Variants in UGT2A2 observed in about 807,000 individuals in gnomAD.
The protein encoded by UGT2A2 is UDP glucuronosyltransferase family 2 member A2.
Under a neutral mutation model 50.7 loss-of-function variants are expected in UGT2A2, and 60 were observed. The observed-to-expected ratio is 1.18, with a 90% CI of 0.96 to 1.47. UGT2A2 has a LOEUF of 1.47. Among genes scored for constraint, UGT2A2 ranks in the 40% most tolerant of loss-of-function variants. UGT2A2 has a pLI of 0.00. For missense variants in UGT2A2, 762 were observed against 634.0 expected (o/e 1.20, Z -2.17); for synonymous variants, 242 against 214.6 (o/e 1.13, Z -1.11).
At chr4:69,627,572 A>G (rs573796598) in intron 1 of UGT2A2, among the ~76,000 whole-genome samples, 234 of 149,262 alleles carry the variant, frequency 1.6e-3, no homozygotes, top group African/African-American at 5.6e-3. Context: ...GAGAGAAAGA[A>G]AGAGAGAAAG....
intron 1 of UGT2A2, among the ~76,000 whole-genome samples, chr4:69,602,929 G>T (rs1003503735): frequency 7.4e-6 from 1 of 135,032 alleles, no homozygotes; most frequent in African/African-American, 3.0e-5. Context: ...TTAGCCGGGC[G>T]TGGTGGCAGG....
At position 69,588,925 on chromosome 4, in the gene UGT2A2, C is replaced by A. The variant is rs556581310; in HGVS notation, c.*447G>T. ...TTTCTCATAACACACTACTCTCCTA[C>A]GGTGGCTCCCTGATTTGTTTGGTAT... On this transcript the variant is annotated 3_prime_UTR_variant, in exon 6 of 6. Coordinates refer to ENST00000604629, the MANE Select transcript of UGT2A2 (RefSeq NM_001105677.2). The A allele has an allele frequency of 6.5e-6, 1 of 153,766 alleles. No homozygotes were observed. The highest frequency in any genetic ancestry group is 1.9e-4 in the East Asian group (1 of 5,188). The allele number at this position is 153,766 out of a possible 1,614,324, so 9.5% of individuals were successfully genotyped here.
Position 69,606,759 on chromosome 4 carries a change from G to A in UGT2A2, c.743-7365C>T, listed in dbSNP as rs2109906673. On this transcript the variant is annotated intron_variant, in intron 1 of 5. Coordinates refer to ENST00000604629, the MANE Select transcript of UGT2A2 (RefSeq NM_001105677.2). ...CAAAATCAATGTGCAAAAATCACAA[G>A]CATTCTTATACACCAATAACAGACA... Among the ~76,000 whole-genome samples, 2 of 136,660 alleles carry A rather than the reference G, an allele frequency of 1.5e-5. 1 individual carries two copies. The highest frequency in any genetic ancestry group is 4.8e-4 in the South Asian group (2 of 4,132). 89.7% of individuals were successfully genotyped at this position (136,660 alleles called of 152,430 possible). A position where few individuals can be genotyped will look rare whatever the true frequency, so the allele number is the denominator to read the frequency against.
In UGT2A2 at chr4:69,595,200, G is replaced by A. The variant is rs765655029; in HGVS notation, c.1073C>T (p.Thr358Ile). 19 of 1,613,814 alleles carry A rather than the reference G, an allele frequency of 1.2e-5. No individual in the cohort carries two copies. The highest frequency in any genetic ancestry group is 1.6e-5 in the Non-Finnish European group (19 of 1,179,854). The change falls in exon 4 of 6, where the codon ACT (threonine) becomes ATT (isoleucine). Residue 358 changes from threonine to isoleucine, a missense_variant. Physicochemically the swap from Thr to Ile is moderately conservative, Grantham distance 89. Transcript: ENST00000604629. ...CTGGGGTATCCAATCAAAGAGCTGA[G>A]TATTGTTTCCTAATGTGGCTGGTTT... ...GKKPATLGNN[T>I]QLFDWIPQND...
intron 5 of UGT2A2, 91 bp from the exon 6 acceptor site, chr4:69,589,742 T>C: frequency 6.7e-7 from 1 of 1,499,114 alleles, no homozygotes; most frequent in South Asian, 1.4e-5. Context: ...CTCTACAAGT[T>C]TAAGGCCATA....
At chr4:69,595,458 T>A (rs1437793999) in intron 3 of UGT2A2, among the ~76,000 whole-genome samples, 6 of 152,254 alleles carry the variant, frequency 3.9e-5, no homozygotes, top group Admixed American at 3.9e-4. Context: ...TATAGTATTA[T>A]TGTTTTGATA....
At chr4:69,598,408 T>C (rs1321054116) in intron 2 of UGT2A2, among the ~76,000 whole-genome samples, 1 of 152,128 alleles carries the variant, frequency 6.6e-6, no homozygotes. Context: ...TCTCAACACT[T>C]TTTCTGTATA....
intron 1 of UGT2A2, among the ~76,000 whole-genome samples, chr4:69,614,926 G>A (rs566909570): frequency 7.9e-5 from 12 of 152,178 alleles, no homozygotes; most frequent in Admixed American, 5.9e-4. Context: ...AATTGTGGTG[G>A]AAGGGCAATG....
chr4:69,632,680 G>T (rs878972126), intron 1 of UGT2A2, among the ~76,000 whole-genome samples: 1 of 151,984 alleles, frequency 6.6e-6, no homozygotes, highest in Admixed American at 6.6e-5. Context: ...ACAAAGTCAA[G>T]AGTTTGAGAC....
chr4:69,600,755 T>C (rs916007520), intron 1 of UGT2A2, among the ~76,000 whole-genome samples: 6 of 151,868 alleles, frequency 4.0e-5, no homozygotes, highest in Non-Finnish European at 7.4e-5. Flanking sequence ...CAGGTTGTTT[T>C]GCATGATGGG....
chr4:69,591,498 G>A (rs1718598041), intron 5 of UGT2A2, among the ~76,000 whole-genome samples: 1 of 152,120 alleles, frequency 6.6e-6, no homozygotes, highest in East Asian at 1.9e-4. Flanking sequence ...TGCAGAGGAA[G>A]CCTTCAGGTA....
chr4:69,611,916 A>T (rs754751734), intron 1 of UGT2A2, among the ~76,000 whole-genome samples: 24 of 152,070 alleles, frequency 1.6e-4, no homozygotes, highest in Admixed American at 3.3e-4. Flanking sequence ...ATCTACCCTC[A>T]CTCTTACAAA....
intron 5 of UGT2A2, among the ~76,000 whole-genome samples, chr4:69,592,887 T>C (rs1420966736): frequency 3.3e-5 from 5 of 152,070 alleles, no homozygotes; most frequent in Non-Finnish European, 7.4e-5. Flanking sequence ...CACAGTATAA[T>C]TGAAGAAAAA....
chr4:69,634,425 G>A (rs193051689), intron 1 of UGT2A2, among the ~76,000 whole-genome samples: 81 of 152,118 alleles, frequency 5.3e-4, no homozygotes, highest in Non-Finnish European at 9.1e-4. Flanking sequence ...AGTGGGGATA[G>A]GAAACGGAGA....
chr4:69,623,935 A>T (rs1294362090), intron 1 of UGT2A2, among the ~76,000 whole-genome samples: 1 of 151,658 alleles, frequency 6.6e-6, no homozygotes, highest in Non-Finnish European at 1.5e-5. Flanking sequence ...TGCCCAGGAC[A>T]AGCACCTTAA....
At chr4:69,607,186 A>ACGGGT (rs1296142502) in intron 1 of UGT2A2, among the ~76,000 whole-genome samples, 2 of 135,400 alleles carry the variant, frequency 1.5e-5, no homozygotes, top group African/African-American at 2.9e-5. Flanking sequence ...AGGCTACAGT[A>ACGGGT]ACCAAAACAG....
chr4:69,639,551 C>A lies in UGT2A2; in HGVS notation c.90G>T (p.Gly30=), dbSNP rs114994980. 6.2e-7 allele frequency: 1 copy of A among 1,612,888 alleles called. No homozygotes were observed. The highest frequency in any genetic ancestry group is 2.2e-5 in the East Asian group (1 of 44,840). ...NLTLTEVVLS[G]NVLIWPTDGS... The stretch of plus-strand genomic sequence containing the variant: ...CATCTGTAGGCCAAATTAACACATT[C>A]CCACTTAGAACAACTTCAGTCAGAG... The change falls in exon 1 of 6, where the codon GGG becomes GGT. Residue 30 remains glycine, a synonymous_variant. Transcript: ENST00000604629.
At position 69,589,054 on chromosome 4, in the gene UGT2A2, C is replaced by T. The variant is rs1033123841; in HGVS notation, c.*318G>A. 1.2e-4 allele frequency: 23 copies of T among 196,364 alleles called. No individual in the cohort carries two copies. In the Admixed American group the frequency reaches 1.2e-3, roughly 10 times the overall value. The allele number at this position is 196,364 out of a possible 1,614,324, so 12.2% of individuals were successfully genotyped here. On this transcript the variant is annotated 3_prime_UTR_variant, in exon 6 of 6. Coordinates refer to ENST00000604629, the MANE Select transcript of UGT2A2 (RefSeq NM_001105677.2). ...ATTGTTAATCATTAATTAAGGTTAA[C>T]GATAAAATAATTTGATACTATGAAT... is the stretch of plus-strand genomic sequence containing the variant.
At chr4:69,597,407 T>A (rs1718991948) in intron 2 of UGT2A2, among the ~76,000 whole-genome samples, 1 of 152,142 alleles carries the variant, frequency 6.6e-6, no homozygotes, top group South Asian at 2.1e-4. Context: ...CCTTAGGTAA[T>A]TACTTATAGT....
Sources: gnomAD v4.1 joint callset for allele counts (sites outside exome capture counted in the v4.1 genomes callset) on GRCh38, gnomAD v4.1.1 for gene constraint, MANE v1.5 for transcripts, NCBI Gene and HGNC (gene_info 2026-07-23, HGNC 2026-07-21) for gene names.